KIAA1328: variants seen among roughly 807,000 people sequenced by gnomAD.
The protein encoded by KIAA1328 is protein hinderin.
KIAA1328 carries 52 observed loss-of-function variants against 68.1 expected under a neutral mutation model. The ratio of observed to expected loss-of-function variants is 0.76; its 90% CI spans 0.61 to 0.96. KIAA1328 has a LOEUF of 0.96. Ranked by LOEUF, KIAA1328 falls within the 40% of genes least tolerant of loss-of-function variation. The pLI, the probability that KIAA1328 is intolerant of heterozygous loss-of-function variation, is 0.00. For missense variants in KIAA1328, 641 were observed against 677.6 expected (o/e 0.95, Z 0.60); for synonymous variants, 232 against 239.4 (o/e 0.97, Z 0.28).
chr18:36,951,204 G>C (rs969317657), intron 5 of KIAA1328, among the ~76,000 whole-genome samples: 7 of 152,150 alleles, frequency 4.6e-5, no homozygotes, highest in African/African-American at 1.7e-4. Flanking sequence ...TGTTCCTACA[G>C]CACTACATAA....
chr18:37,180,058 CCACACACACA>C (rs139301794), intron 9 of KIAA1328, among the ~76,000 whole-genome samples: 4,900 of 134,138 alleles, frequency 0.037, 212 homozygotes, highest in African/African-American at 0.11. Context: ...GATTCAAAAG[CCACACACACA>C]CACACACACA....
chr18:37,045,559 C>T (rs1373964088), intron 6 of KIAA1328, among the ~76,000 whole-genome samples: 1 of 151,396 alleles, frequency 6.6e-6, no homozygotes, highest in Non-Finnish European at 1.5e-5. Context: ...TTATTGACTT[C>T]ATAGTACTTG....
intron 4 of KIAA1328, among the ~76,000 whole-genome samples, chr18:36,885,062 A>G (rs1157661585): frequency 6.6e-6 from 1 of 152,078 alleles, no homozygotes; most frequent in East Asian, 1.9e-4. Flanking sequence ...ATATGCTACT[A>G]AAGAATGCTG....
intron 7 of KIAA1328, among the ~76,000 whole-genome samples, chr18:37,108,485 C>T (rs2057836638): frequency 6.6e-6 from 1 of 152,136 alleles, no homozygotes; most frequent in African/African-American, 2.4e-5. Flanking sequence ...AACAAATCTG[C>T]ACATGTACCT....
At chr18:37,060,166 T>C (rs2056092267) in intron 6 of KIAA1328, among the ~76,000 whole-genome samples, 1 of 152,010 alleles carries the variant, frequency 6.6e-6, no homozygotes, top group Non-Finnish European at 1.5e-5. Context: ...ATAATAATAA[T>C]AATAATAAAT....
At chr18:37,194,625 A>G (rs995399087) in intron 9 of KIAA1328, among the ~76,000 whole-genome samples, 1 of 152,088 alleles carries the variant, frequency 6.6e-6, no homozygotes, top group Non-Finnish European at 1.5e-5. Context: ...CTCTGCATCT[A>G]TTCCTATAAT....
chr18:36,954,564 A>G (rs759847507), intron 5 of KIAA1328: 5 of 152,148 alleles, frequency 3.3e-5, no homozygotes, highest in Admixed American at 6.5e-5. Context: ...TAATGGTTTT[A>G]GTATCCTTTA....
At chr18:37,182,630 A>G (rs2154215780) in intron 9 of KIAA1328, among the ~76,000 whole-genome samples, 1 of 152,272 alleles carries the variant, frequency 6.6e-6, no homozygotes, top group East Asian at 1.9e-4. Context: ...TGTGATTCCA[A>G]ACTATAAGTG....
chr18:36,865,813 A>T (rs2047730428), intron 4 of KIAA1328, among the ~76,000 whole-genome samples: 1 of 151,726 alleles, frequency 6.6e-6, no homozygotes, highest in Non-Finnish European at 1.5e-5. Context: ...CCATCCTCTC[A>T]CTTTATACTG....
chr18:37,113,344 G>A (rs2057996931), intron 7 of KIAA1328, among the ~76,000 whole-genome samples: 1 of 152,054 alleles, frequency 6.6e-6, no homozygotes, highest in East Asian at 1.9e-4. Context: ...AGAGAGTGGG[G>A]GCCAATATTC....
chr18:37,179,087 T>A (rs543434656), intron 9 of KIAA1328, among the ~76,000 whole-genome samples: 1 of 152,190 alleles, frequency 6.6e-6, no homozygotes, highest in Non-Finnish European at 1.5e-5. Context: ...ATCCCATTTG[T>A]CTATTTTTGC....
At chr18:36,943,362 C>T (rs2050779768) in intron 5 of KIAA1328, among the ~76,000 whole-genome samples, 1 of 152,104 alleles carries the variant, frequency 6.6e-6, no homozygotes, top group African/African-American at 2.4e-5. Context: ...CCTGCTGATG[C>T]CCAAGTGGTG....
chr18:36,885,566 G>C lies in KIAA1328; in HGVS notation c.342G>C (p.Glu114Asp). ...TTTTTTTTTATTTCAGAGTAAGTGA[G>C]GAAAAGGAAGTGACAGAGGAAAGAC... ...NLIKELARVS[E>D]EKEVTEERLK... is the part of the protein sequence containing the mutation. The change falls in exon 5 of 10, where the codon GAG (glutamate) becomes GAC (aspartate). Residue 114 changes from glutamate to aspartate, a missense_variant. By Grantham distance (45) the Glu-to-Asp change is conservative. Transcript: ENST00000280020. 6.5e-7 allele frequency: 1 copy of C among 1,545,898 alleles called. No homozygotes were observed. Among genetic ancestry groups the C allele is most frequent in the Non-Finnish European group, 8.7e-7 (1 of 1,151,900 alleles).
In KIAA1328 at chr18:37,078,911, G is replaced by A. The variant is rs1292878738; in HGVS notation, c.1232+11366G>A. 2.2e-4 allele frequency among the ~76,000 whole-genome samples: 33 copies of A among 151,522 alleles called. No homozygotes were observed. In the South Asian group the frequency reaches 5.6e-3, roughly 26 times the overall value. The stretch of plus-strand genomic sequence containing the variant: ...TGTAAACTAGTTCAACCATTGTGGA[G>A]GTCAGTGTGGCGATTCCTCAGAGAT... On this transcript the variant is annotated intron_variant, in intron 7 of 9. Coordinates refer to ENST00000280020, the MANE Select transcript of KIAA1328 (RefSeq NM_020776.3).
At chr18:37,106,295 G>A (rs1444184316) in intron 7 of KIAA1328, among the ~76,000 whole-genome samples, 1 of 152,172 alleles carries the variant, frequency 6.6e-6, no homozygotes, top group East Asian at 1.9e-4. Flanking sequence ...GATAAAGGAA[G>A]TATATTAGTG....
intron 8 of KIAA1328, 61 bp from the exon 9 acceptor site, chr18:37,172,911 GA>G: frequency 8.2e-7 from 1 of 1,218,352 alleles, no homozygotes; most frequent in East Asian, 2.4e-5. Flanking sequence ...AATTTACTAA[GA>G]GTGAACTTTT....
intron 5 of KIAA1328, among the ~76,000 whole-genome samples, chr18:36,928,972 G>A (rs2050219323): frequency 6.6e-6 from 1 of 152,084 alleles, no homozygotes; most frequent in South Asian, 2.1e-4. Flanking sequence ...TTCCCATACT[G>A]TATCCAGCTT....
chr18:37,122,753 C>T (rs936000133), intron 7 of KIAA1328, among the ~76,000 whole-genome samples: 5 of 151,404 alleles, frequency 3.3e-5, no homozygotes, highest in Non-Finnish European at 5.9e-5. Context: ...TACTATAGTA[C>T]GGGAGGTGAG....
chr18:36,914,042 T>C (rs978830662), intron 5 of KIAA1328, among the ~76,000 whole-genome samples: 1 of 152,198 alleles, frequency 6.6e-6, no homozygotes, highest in African/African-American at 2.4e-5. Context: ...TAGATTGTCA[T>C]CTTGTACCAT....
Sources: allele counts gnomAD v4.1 joint callset (sites outside exome capture counted in the v4.1 genomes callset), GRCh38; gene constraint gnomAD v4.1.1; transcripts MANE v1.5; gene names NCBI Gene and HGNC (gene_info 2026-07-23, HGNC 2026-07-21).